Variants in ADORA2B observed in about 807,000 individuals in gnomAD.
ADORA2B encodes the protein adenosine receptor A2b.
In ADORA2B, 18 loss-of-function variants were observed where a neutral mutation model predicts 20.8. That is an observed-to-expected ratio of 0.87 (90% confidence interval 0.60 to 1.29). The LOEUF (loss-of-function observed/expected upper bound fraction) is 1.29. ADORA2B is among the 50% of genes most tolerant of loss of function. The probability of loss-of-function intolerance (pLI) is 0.00; values close to 1 mark genes in which losing one functional copy is unlikely to be tolerated. For synonymous variants in ADORA2B, 179 were observed against 178.3 expected (o/e 1.00, Z -0.03); for missense variants, 441 against 422.7 (o/e 1.04, Z -0.38).
Position 15,946,571 on chromosome 17 carries a change from T to C in ADORA2B, c.335+988T>C, listed in dbSNP as rs534356140. On this transcript the variant is annotated intron_variant, in intron 1 of 1. Coordinates refer to ENST00000304222, the MANE Select transcript of ADORA2B (RefSeq NM_000676.4). ...GAGACAGGGAAACTAAATCACAGAGTAGGAAGGAAGGGAAGGAATTCATTT... is the reference window on the plus strand; with the variant it reads ...GAGACAGGGAAACTAAATCACAGAGCAGGAAGGAAGGGAAGGAATTCATTT... Among the ~76,000 whole-genome samples, 10 of 152,082 alleles carry C rather than the reference T, an allele frequency of 6.6e-5. No homozygotes were observed. The South Asian group carries it at 2.1e-3, about 31-fold the overall frequency.
At chr17:15,947,182 C>T (rs946454360) in intron 1 of ADORA2B, among the ~76,000 whole-genome samples, 2 of 152,226 alleles carry the variant, frequency 1.3e-5, no homozygotes, top group Non-Finnish European at 2.9e-5. Context: ...GCAGTTTCTT[C>T]TCTCTCTTCT....
intron 1 of ADORA2B, among the ~76,000 whole-genome samples, chr17:15,955,194 G>A (rs902496713): frequency 1.3e-5 from 2 of 152,090 alleles, no homozygotes; most frequent in Non-Finnish European, 2.9e-5. Flanking sequence ...GTATTTGCGG[G>A]TTGTGAACCC....
intron 1 of ADORA2B, among the ~76,000 whole-genome samples, chr17:15,951,236 G>A (rs750389905): frequency 2.0e-5 from 3 of 152,204 alleles, no homozygotes; most frequent in Non-Finnish European, 2.9e-5. Flanking sequence ...TCTCTCATGG[G>A]CCTAAGGGAC....
chr17:15,945,256 T>C lies in ADORA2B; in HGVS notation c.8T>C (p.Leu3Pro). The change falls in exon 1 of 2, where the codon CTG becomes CCG. Residue 3 changes from leucine to proline, a missense_variant. By Grantham distance (98) the Leu-to-Pro change is moderately conservative. Transcript: ENST00000304222. The part of the protein sequence containing the change: ML[L>P]ETQDALYVAL... ...GGCCCAGCTGGCCCGGCCATGCTGCTGGAGACACAGGACGCGCTGTACGTG... is the reference window on the plus strand; with the variant it reads ...GGCCCAGCTGGCCCGGCCATGCTGCCGGAGACACAGGACGCGCTGTACGTG... The C allele has an allele frequency of 2.0e-6, 3 of 1,479,702 alleles. No homozygotes were observed. Among genetic ancestry groups the C allele is most frequent in the Non-Finnish European group, 2.7e-6 (3 of 1,117,338 alleles). 91.7% of individuals were successfully genotyped at this position (1,479,702 alleles called of 1,614,324 possible).
At chr17:15,939,332 C>T in the ADORA2B span, among the ~76,000 whole-genome samples, 7 of 152,192 alleles carry the variant, frequency 4.6e-5, no homozygotes, top group African/African-American at 1.4e-4. Context: ...TGAGCCACAG[C>T]GCCCGGCTGC....
At chr17:15,943,234 A>C (rs1428076360), upstream of ADORA2B, among the ~76,000 whole-genome samples, 1 of 152,208 alleles carries the variant, frequency 6.6e-6, no homozygotes, top group African/African-American at 2.4e-5. Flanking sequence ...TAGGAGGTCT[A>C]CTGTGTGTGT....
chr17:15,931,881 G>A, the ADORA2B span, among the ~76,000 whole-genome samples: 31 of 151,730 alleles, frequency 2.0e-4, no homozygotes, highest in African/African-American at 7.5e-4. Context: ...ACAGGCACTC[G>A]CTACCATGCC....
At chr17:15,934,433 C>T in the ADORA2B span, among the ~76,000 whole-genome samples, 4 of 152,068 alleles carry the variant, frequency 2.6e-5, no homozygotes, top group Non-Finnish European at 4.4e-5. Context: ...ACCATATTGG[C>T]CAGGCTGGTC....
chr17:15,931,957 C>T, the ADORA2B span, among the ~76,000 whole-genome samples: 1 of 152,074 alleles, frequency 6.6e-6, no homozygotes, highest in African/African-American at 2.4e-5. Context: ...TTCTCAAACT[C>T]CTGACCTCAG....
At chr17:15,883,183 A>G in the ADORA2B span, among the ~76,000 whole-genome samples, 3 of 152,238 alleles carry the variant, frequency 2.0e-5, no homozygotes, top group Admixed American at 2.0e-4. Flanking sequence ...ACTAAACTTA[A>G]TCTTGGAACA....
chr17:15,875,364 CCTA>C, the ADORA2B span, among the ~76,000 whole-genome samples: 1 of 152,182 alleles, frequency 6.6e-6, no homozygotes, highest in Admixed American at 6.5e-5. Flanking sequence ...ATTTTGATCT[CCTA>C]CTGTGAAAGA....
the ADORA2B span, among the ~76,000 whole-genome samples, chr17:15,902,312 A>G: frequency 1.3e-5 from 2 of 151,892 alleles, no homozygotes; most frequent in Admixed American, 6.6e-5. Context: ...TCCAGGTTCA[A>G]GCGATTCTCC....
intron 1 of ADORA2B, among the ~76,000 whole-genome samples, chr17:15,966,471 G>A (rs1049339296): frequency 6.6e-6 from 1 of 152,218 alleles, no homozygotes; most frequent in African/African-American, 2.4e-5. Flanking sequence ...TGATTTCTAA[G>A]CCTGGTTTGA....
chr17:15,952,501 A>G (rs1219651739), intron 1 of ADORA2B, among the ~76,000 whole-genome samples: 1 of 152,030 alleles, frequency 6.6e-6, no homozygotes, highest in Non-Finnish European at 1.5e-5. Context: ...GGAGCCCTTA[A>G]CCATCATGTG....
the ADORA2B span, among the ~76,000 whole-genome samples, chr17:15,903,274 A>G: frequency 6.6e-6 from 1 of 152,238 alleles, no homozygotes; most frequent in African/African-American, 2.4e-5. Flanking sequence ...GCCTAGGTTC[A>G]AATCATTGGA....
Position 15,945,166 on chromosome 17 carries a change from GC to G in ADORA2B, c.-81del. The G allele has an allele frequency of 8.1e-7, 1 of 1,228,416 alleles. No individual in the cohort carries two copies. The highest frequency in any genetic ancestry group is 1.1e-6 in the Non-Finnish European group (1 of 949,574). The allele number at this position is 1,228,416 out of a possible 1,614,324, so 76.1% of individuals were successfully genotyped here. On this transcript the variant is annotated 5_prime_UTR_variant, in exon 1 of 2. It removes the in-frame stop codon of an upstream open reading frame in the 5' UTR. Transcript: ENST00000304222. Reference sequence around the variant, plus strand: ...GCGGAGGCGCGGTCCGGGCGCTATGGCCATGCCCGGCGGGTCTCACGCGGCT... The same window carrying G: ...GCGGAGGCGCGGTCCGGGCGCTATGGCATGCCCGGCGGGTCTCACGCGGCT...
the ADORA2B span, among the ~76,000 whole-genome samples, chr17:15,917,226 C>A: frequency 1.5e-4 from 23 of 152,350 alleles, no homozygotes; most frequent in African/African-American, 5.3e-4. Context: ...ATCGCTTGAA[C>A]CCGAGAGATA....
chr17:15,945,049 C>CGG (rs931455542), upstream of ADORA2B: 1 of 355,052 alleles, frequency 2.8e-6, no homozygotes, highest in Non-Finnish European at 4.9e-6. Flanking sequence ...GGCGGGCGCG[C>CGG]GGGCCAATGG....
chr17:15,932,357 G>T, the ADORA2B span, among the ~76,000 whole-genome samples: 1 of 152,042 alleles, frequency 6.6e-6, no homozygotes, highest in African/African-American at 2.4e-5. Context: ...GCTGGGTATG[G>T]TGGCATATGC....
Sources: allele counts gnomAD v4.1 joint callset (sites outside exome capture counted in the v4.1 genomes callset), GRCh38; gene constraint gnomAD v4.1.1; transcripts MANE v1.5; gene names NCBI Gene and HGNC (gene_info 2026-07-23, HGNC 2026-07-21).